Variants in RALGDS observed in about 807,000 individuals in gnomAD.
The protein encoded by RALGDS is ral guanine nucleotide exchange factor.
In RALGDS, 44 loss-of-function variants were observed where a neutral mutation model predicts 99.8. That is an observed-to-expected ratio of 0.44 (90% CI 0.35 to 0.57). RALGDS has a LOEUF of 0.57. Among genes scored for constraint, RALGDS ranks in the 20% least tolerant of loss-of-function variants. RALGDS has a pLI of 0.01. For missense variants in RALGDS, 1,022 were observed against 1,203.1 expected (o/e 0.85, Z 2.23); for synonymous variants, 529 against 505.0 (o/e 1.05, Z -0.64).
At chr9:133,107,058 G>A (rs1316029013) in intron 7 of RALGDS, 27 bp downstream of exon 7, 1 of 1,611,426 alleles carries the variant, frequency 6.2e-7, no homozygotes, top group Non-Finnish European at 8.5e-7. Flanking sequence ...AGCCAAAGTG[G>A]GGGCCCAGGC....
rs551494169 is a variant in RALGDS at position 133,141,345 on chromosome 9, G to A, written c.18+7618C>T. ...CTCCCAGGGTCTGGGGCTCCACCTCGCTCCTTCCAGGCTGGACACCCCTCA... is the reference window on the plus strand; with the variant it reads ...CTCCCAGGGTCTGGGGCTCCACCTCACTCCTTCCAGGCTGGACACCCCTCA... On this transcript the variant is annotated intron_variant, in intron 1 of 17. Coordinates refer to the RALGDS transcript ENST00000393160. Among the ~76,000 whole-genome samples the A allele has an allele frequency of 7.7e-4, 118 of 152,276 alleles. 1 individual carries two copies. The highest frequency in any genetic ancestry group is 2.7e-3 in the African/African-American group (111 of 41,540).
At chr9:133,103,896 C>T in intron 10 of RALGDS, 63 bp from the exon 11 acceptor site, 1 of 1,505,398 alleles carries the variant, frequency 6.6e-7, no homozygotes, top group Non-Finnish European at 9.2e-7. Context: ...CAGCCCCCAG[C>T]CCCAACTGGT....
chr9:133,125,699 G>A (rs766871822), upstream of RALGDS, among the ~76,000 whole-genome samples: 13 of 152,116 alleles, frequency 8.5e-5, 1 homozygote, highest in Admixed American at 6.5e-4. Flanking sequence ...TTGCACCACC[G>A]CACTCCAGCC....
At chr9:133,129,195 C>T (rs762902288) in intron 1 of RALGDS, 461 of 1,596,948 alleles carry the variant, frequency 2.9e-4, no homozygotes, top group Non-Finnish European at 3.7e-4. Flanking sequence ...CTTTGGAGAG[C>T]GGCACGACGG....
Position 133,109,735 on chromosome 9 carries a change from CTA to C in RALGDS, c.489-16_489-15del, listed in dbSNP as rs1287173870. 6.2e-7 allele frequency: 1 copy of C among 1,606,166 alleles called. No individual in the cohort carries two copies. Among genetic ancestry groups the C allele is most frequent in the Non-Finnish European group, 8.5e-7 (1 of 1,172,994 alleles). On this transcript the variant is annotated splice_polypyrimidine_tract_variant and intron_variant, in intron 3 of 17. Transcript: ENST00000372050. ...CATCTACCGTACCTGCTTATGACGT[CTA>C]GTGTTACTGTCTGACTCTCCGACTA...
At chr9:133,135,282 G>T (rs999335685), upstream of RALGDS, among the ~76,000 whole-genome samples, 3 of 152,192 alleles carry the variant, frequency 2.0e-5, no homozygotes, top group Non-Finnish European at 4.4e-5. Flanking sequence ...AGGCAAAGAG[G>T]GGCTGTGCTT....
At chr9:133,100,973 T>C in intron 16 of RALGDS, 2 of 1,047,148 alleles carry the variant, frequency 1.9e-6, no homozygotes, top group Non-Finnish European at 2.3e-6. Flanking sequence ...GGGTTACAAA[T>C]GGTTCATCTG....
chr9:133,143,768 TAATAACAACAACAACAAC>T (rs1359865477), intron 1 of RALGDS, among the ~76,000 whole-genome samples: 124 of 102,406 alleles, frequency 1.2e-3, no homozygotes, highest in African/African-American at 5.5e-3. Flanking sequence ...ATAATAATAA[TAATAACAACAACAACAAC>T]AATAATAATA....
upstream of RALGDS, among the ~76,000 whole-genome samples, chr9:133,134,558 G>A (rs796754917): frequency 6.6e-6 from 1 of 152,168 alleles, no homozygotes; most frequent in Non-Finnish European, 1.5e-5. Context: ...GTGTAAGTCC[G>A]GCCCCCAAGG....
chr9:133,137,577 C>G lies in RALGDS; in HGVS notation c.18+11386G>C, dbSNP rs542952425. 6.5e-4 allele frequency among the ~76,000 whole-genome samples: 99 copies of G among 152,354 alleles called. 1 individual carries two copies. Among genetic ancestry groups the G allele is most frequent in the Non-Finnish European group, 1.2e-3 (83 of 68,036 alleles). On this transcript the variant is annotated intron_variant, in intron 1 of 17. Coordinates refer to the RALGDS transcript ENST00000393160. Reference sequence around the variant, plus strand: ...TCCCTCCCATTAAAGTGCTTTCCCCCCAGGAACCAGGCTGAGAAGAGAGGC... The same window carrying G: ...TCCCTCCCATTAAAGTGCTTTCCCCGCAGGAACCAGGCTGAGAAGAGAGGC...
chr9:133,102,624 C>A, intron 13 of RALGDS, 53 bp from the exon 14 acceptor site: 1 of 1,607,228 alleles, frequency 6.2e-7, no homozygotes, highest in Admixed American at 1.7e-5. Context: ...TCCGGCCTTC[C>A]CCCAGCACCT....
upstream of RALGDS, among the ~76,000 whole-genome samples, chr9:133,134,808 C>A (rs559898932): frequency 6.6e-6 from 1 of 152,176 alleles, no homozygotes; most frequent in Non-Finnish European, 1.5e-5. Flanking sequence ...CATGCCAATG[C>A]GGGTATCATT....
At position 133,101,724 on chromosome 9, in the gene RALGDS, G is replaced by A. The variant is rs528404511; in HGVS notation, c.2250C>T (p.Ser750=). The A allele has an allele frequency of 2.6e-5, 42 of 1,613,284 alleles. No individual in the cohort carries two copies. The highest frequency in any genetic ancestry group is 6.7e-5 in the East Asian group (3 of 44,868). ...ESASQSSPET[S]GISSASSSTS... The stretch of plus-strand genomic sequence containing the variant: ...TGCTGCTGGAGGCTGAGCTGATGCC[G>A]GAGGTCTCCGGGGATGACTGTGAGG... Residue 750 remains serine (S), a synonymous_variant, in exon 16 of 18, where the codon TCC becomes TCT. Coordinates refer to ENST00000372050, the MANE Select transcript of RALGDS (RefSeq NM_006266.4).
intron 1 of RALGDS, among the ~76,000 whole-genome samples, chr9:133,118,341 C>T (rs930121805): frequency 1.6e-4 from 24 of 152,192 alleles, no homozygotes; most frequent in Non-Finnish European, 2.4e-4. Context: ...TGGGAAGACG[C>T]GGGAGGCTGA....
intron 1 of RALGDS, among the ~76,000 whole-genome samples, chr9:133,148,367 G>A (rs1010067346): frequency 1.6e-4 from 25 of 152,228 alleles, no homozygotes; most frequent in African/African-American, 5.5e-4. Flanking sequence ...GAACCTTGGA[G>A]AATCCCCGCC....
In RALGDS at chr9:133,112,217, G is replaced by A. The variant is rs1056397570; in HGVS notation, c.184-65C>T. The A allele has an allele frequency of 2.8e-6, 3 of 1,069,798 alleles. No individual in the cohort carries two copies. The Admixed American group carries it at 5.9e-5, about 21-fold the overall frequency. The allele number at this position is 1,069,798 out of a possible 1,614,324, so 66.3% of individuals were successfully genotyped here. The stretch of plus-strand genomic sequence containing the variant: ...AAGGGCCTGCCTGGCCACCGTGCAG[G>A]GGATGCACCTGTGTAACCTGTTTCC... On this transcript the variant is annotated intron_variant, in intron 1 of 17. Transcript: ENST00000372050.
At chr9:133,120,543 T>C (rs1487139401) in intron 1 of RALGDS, among the ~76,000 whole-genome samples, 2 of 151,662 alleles carry the variant, frequency 1.3e-5, no homozygotes, top group Non-Finnish European at 2.9e-5. Flanking sequence ...CTGAGGATTC[T>C]AGGATTTGGC....
intron 1 of RALGDS, among the ~76,000 whole-genome samples, chr9:133,145,260 T>G (rs1257036582): frequency 6.6e-6 from 1 of 151,818 alleles, no homozygotes; most frequent in Non-Finnish European, 1.5e-5. Context: ...TCACCACACC[T>G]CCCCTCCACG....
At chr9:133,148,935 C>T (rs756229518) in intron 1 of RALGDS, 217 of 1,601,294 alleles carry the variant, frequency 1.4e-4, no homozygotes, top group Non-Finnish European at 1.7e-4. Flanking sequence ...CCACCCGCGA[C>T]GCGAGGCTGG....
Sources: gnomAD v4.1 joint callset for allele counts (sites outside exome capture counted in the v4.1 genomes callset) on GRCh38, gnomAD v4.1.1 for gene constraint, MANE v1.5 for transcripts, NCBI Gene and HGNC (gene_info 2026-07-23, HGNC 2026-07-21) for gene names.